Variants in TGFBR2 observed in about 807,000 individuals in gnomAD.
The protein encoded by TGFBR2 is transforming growth factor beta receptor 2.
Under a neutral mutation model 49.0 loss-of-function variants are expected in TGFBR2, and 18 were observed. That is an observed-to-expected ratio of 0.37 (90% CI 0.25 to 0.54). The LOEUF is 0.54. TGFBR2 is among the 20% of genes least tolerant of loss of function. The pLI is 0.85. For synonymous variants in TGFBR2, 282 were observed against 275.9 expected (o/e 1.02, Z -0.22); for missense variants, 525 against 722.6 (o/e 0.73, Z 3.13).
chr3:30,670,052 A>G (rs1051541597), intron 3 of TGFBR2, among the ~76,000 whole-genome samples: 2 of 152,048 alleles, frequency 1.3e-5, no homozygotes, highest in Non-Finnish European at 2.9e-5. Context: ...CTTTTCTGAC[A>G]CGGAGTTTGG....
chr3:30,636,898 A>G (rs1334154819), intron 1 of TGFBR2, among the ~76,000 whole-genome samples: 1 of 151,994 alleles, frequency 6.6e-6, no homozygotes, highest in Non-Finnish European at 1.5e-5. Flanking sequence ...CCCCGTCTCT[A>G]CTAAAAATAC....
rs149555141 is a variant in TGFBR2 at position 30,668,126 on chromosome 3, A to G, written c.455-3512A>G. On this transcript the variant is annotated intron_variant, in intron 3 of 6. Transcript: ENST00000295754. Reference sequence around the variant, plus strand: ...TGGACTTCTGAGCCATAGTTTGTCAAACCTTGCTGTAAAATATAAAAAATT... The same window carrying G: ...TGGACTTCTGAGCCATAGTTTGTCAGACCTTGCTGTAAAATATAAAAAATT... Among the ~76,000 whole-genome samples, 536 of 152,356 alleles carry G rather than the reference A, an allele frequency of 3.5e-3. 5 individuals are homozygous for G. Among genetic ancestry groups the G allele is most frequent in the African/African-American group, 0.012 (519 of 41,576 alleles).
intron 1 of TGFBR2, among the ~76,000 whole-genome samples, chr3:30,607,788 A>C (rs1330256971): frequency 7.5e-6 from 1 of 132,888 alleles, no homozygotes; most frequent in Non-Finnish European, 1.5e-5. Flanking sequence ...AGGAAAAAAT[A>C]AAAATAAAAA....
At chr3:30,661,601 G>T (rs1157442636) in intron 3 of TGFBR2, 1 of 516,006 alleles carries the variant, frequency 1.9e-6, no homozygotes, top group Non-Finnish European at 3.9e-6. Flanking sequence ...AACACTGGCT[G>T]GGAATCTGCT....
intron 3 of TGFBR2, among the ~76,000 whole-genome samples, chr3:30,659,337 G>A (rs1699070204): frequency 6.6e-6 from 1 of 152,140 alleles, no homozygotes; most frequent in Admixed American, 6.6e-5. Flanking sequence ...GTTATTTGAG[G>A]TGATGACTCA....
chr3:30,610,468 T>C (rs1379507353), intron 1 of TGFBR2, among the ~76,000 whole-genome samples: 1 of 152,184 alleles, frequency 6.6e-6, no homozygotes, highest in Non-Finnish European at 1.5e-5. Flanking sequence ...CAGCCTTTAA[T>C]TGCATTCTCC....
intron 3 of TGFBR2, among the ~76,000 whole-genome samples, chr3:30,658,777 T>G (rs1349634987): frequency 6.6e-6 from 1 of 152,216 alleles, no homozygotes; most frequent in Non-Finnish European, 1.5e-5. Context: ...AATTATTTTT[T>G]TACAGTATCA....
chr3:30,690,148 A>G (rs1414795565), intron 6 of TGFBR2, among the ~76,000 whole-genome samples: 1 of 152,208 alleles, frequency 6.6e-6, no homozygotes, highest in Non-Finnish European at 1.5e-5. Context: ...AGATTTATCC[A>G]TCCCACTCCC....
intron 1 of TGFBR2, chr3:30,623,154 T>C (rs1300498712): frequency 9.2e-7 from 1 of 1,084,352 alleles, no homozygotes; most frequent in Admixed American, 1.9e-5. Context: ...ATCTGTAATT[T>C]TAAAAACAGC....
At chr3:30,645,469 C>T (rs2125405330) in intron 2 of TGFBR2, among the ~76,000 whole-genome samples, 1 of 150,422 alleles carries the variant, frequency 6.6e-6, no homozygotes, top group African/African-American at 2.4e-5. Flanking sequence ...ACTTCTTTCT[C>T]TCAGCTCAGA....
intron 3 of TGFBR2, among the ~76,000 whole-genome samples, chr3:30,670,108 A>C (rs749068153): frequency 1.3e-5 from 2 of 152,146 alleles, no homozygotes; most frequent in Non-Finnish European, 2.9e-5. Context: ...CCGCAGGTGC[A>C]GAGTGGTCAG....
At chr3:30,689,836 C>G (rs564583515) in intron 6 of TGFBR2, among the ~76,000 whole-genome samples, 3 of 152,282 alleles carry the variant, frequency 2.0e-5, no homozygotes, top group East Asian at 1.9e-4. Context: ...TTGCATAATA[C>G]ATTTTTTCTC....
At chr3:30,633,889 CAA>C (rs1361997642) in intron 1 of TGFBR2, among the ~76,000 whole-genome samples, 1 of 152,100 alleles carries the variant, frequency 6.6e-6, no homozygotes, top group Admixed American at 6.6e-5. Context: ...AGTCTGTGCC[CAA>C]GTTATTTGGT....
chr3:30,669,515 G>A (rs989454662), intron 3 of TGFBR2, among the ~76,000 whole-genome samples: 1 of 152,098 alleles, frequency 6.6e-6, no homozygotes, highest in Non-Finnish European at 1.5e-5. Flanking sequence ...TTGAAGAGGC[G>A]GTGTCTGATT....
Position 30,650,270 on chromosome 3 carries a change from G to A in TGFBR2, c.264G>A (p.Trp88Ter), listed in dbSNP as rs1215812419. 6.2e-7 allele frequency: 1 copy of A among 1,613,658 alleles called. No homozygotes were observed. Among genetic ancestry groups the A allele is most frequent in the Non-Finnish European group, 8.5e-7 (1 of 1,179,788 alleles). The part of the protein sequence containing the change: ...EKPQEVCVAV[W>*]RKNDENITLE... ...CTTCCAATGAATCTCTTCACTCTAG[G>A]AGAAAGAATGACGAGAACATAACAC... Residue 88 changes from tryptophan to a stop codon, truncating the protein, a stop_gained and splice_region_variant, in exon 3 of 7, where the codon TGG (tryptophan) becomes TGA (stop). Transcript: ENST00000295754. LOFTEE classifies it high-confidence loss of function.
At position 30,671,984 on chromosome 3, in the gene TGFBR2, T is replaced by A; in HGVS notation, c.801T>A (p.Thr267=). Residue 267 remains threonine (T), a synonymous_variant, in exon 4 of 7, where the codon ACT becomes ACA. Coordinates refer to ENST00000295754, the MANE Select transcript of TGFBR2 (RefSeq NM_003242.6). Reference sequence around the variant, plus strand: ...ATAAGGCCAAGCTGAAGCAGAACACTTCAGAGCAGTTTGAGACAGTGGCAG... The same window carrying A: ...ATAAGGCCAAGCTGAAGCAGAACACATCAGAGCAGTTTGAGACAGTGGCAG... ...EVYKAKLKQN[T]SEQFETVAVK... 6.2e-7 allele frequency: 1 copy of A among 1,614,152 alleles called. No homozygotes were observed. The highest frequency in any genetic ancestry group is 8.5e-7 in the Non-Finnish European group (1 of 1,180,026).
intron 1 of TGFBR2, among the ~76,000 whole-genome samples, chr3:30,615,306 A>G (rs1698110153): frequency 6.6e-6 from 1 of 152,162 alleles, no homozygotes; most frequent in Admixed American, 6.5e-5. Context: ...TGGCTCTAGG[A>G]GAGGCCCTGG....
intron 1 of TGFBR2, among the ~76,000 whole-genome samples, chr3:30,619,824 C>T (rs904224593): frequency 6.6e-6 from 1 of 152,140 alleles, no homozygotes; most frequent in Admixed American, 6.5e-5. Flanking sequence ...ATAGCCTCTC[C>T]GACAAGCCTT....
At chr3:30,690,988 G>A (rs1699698468) in intron 6 of TGFBR2, among the ~76,000 whole-genome samples, 1 of 152,196 alleles carries the variant, frequency 6.6e-6, no homozygotes. Context: ...TTATGGGGAA[G>A]GGGTTTTGTG....
Sources: gnomAD v4.1 joint callset for allele counts (sites outside exome capture counted in the v4.1 genomes callset) on GRCh38, gnomAD v4.1.1 for gene constraint, MANE v1.5 for transcripts, NCBI Gene and HGNC (gene_info 2026-07-23, HGNC 2026-07-21) for gene names.